The following FAM178B variants were observed in gnomAD, a reference collection of about 807,000 sequenced individuals.
FAM178B encodes family with sequence similarity 178 member B.
In FAM178B, 82 loss-of-function variants were observed where a neutral mutation model predicts 91.7. The ratio of observed to expected loss-of-function variants is 0.89; its 90% CI spans 0.75 to 1.07. The LOEUF is 1.07. FAM178B is among the 50% of genes least tolerant of loss of function. The pLI, the probability that FAM178B is intolerant of heterozygous loss-of-function variation, is 0.00. For missense variants in FAM178B, 769 were observed against 846.7 expected (o/e 0.91, Z 1.14); for synonymous variants, 368 against 359.4 (o/e 1.02, Z -0.27).
rs2080236459 is a variant in FAM178B at position 96,876,166 on chromosome 2, T to C, written c.*110A>G. ...GGGGCAGGCTCTTGCCTCATCAGGCTGGTCAGCATGTGGCCTCCTCTGGCC... is the reference window on the plus strand; with the variant it reads ...GGGGCAGGCTCTTGCCTCATCAGGCCGGTCAGCATGTGGCCTCCTCTGGCC... On this transcript the variant is annotated 3_prime_UTR_variant, in exon 17 of 17. Coordinates refer to ENST00000490605, the MANE Select transcript of FAM178B (RefSeq NM_001122646.3). 6.2e-6 allele frequency: 7 copies of C among 1,134,972 alleles called. No individual in the cohort carries two copies. The highest frequency in any genetic ancestry group is 9.0e-6 in the Non-Finnish European group (7 of 780,936). 70.3% of individuals were successfully genotyped at this position (1,134,972 alleles called of 1,614,324 possible).
chr2:96,967,642 G>C lies in FAM178B; in HGVS notation c.627-15C>G. ...GGGCCTGTTCCCTATAGGAAGTCGA[G>C]GGCCAGAGCCGGGGGTCAGTGTTGT... is the stretch of plus-strand genomic sequence containing the variant. On this transcript the variant is annotated splice_polypyrimidine_tract_variant and intron_variant, in intron 4 of 16. Coordinates refer to ENST00000490605, the MANE Select transcript of FAM178B (RefSeq NM_001122646.3). 1 of 1,525,824 alleles carries C rather than the reference G, an allele frequency of 6.6e-7. No homozygotes were observed. Among genetic ancestry groups the C allele is most frequent in the Non-Finnish European group, 8.9e-7 (1 of 1,127,256 alleles). The allele number at this position is 1,525,824 out of a possible 1,614,324, so 94.5% of individuals were successfully genotyped here. A position where few individuals can be genotyped will look rare whatever the true frequency, so the allele number is the denominator to read the frequency against.
chr2:96,946,962 CA>C (rs981644382), intron 8 of FAM178B, among the ~76,000 whole-genome samples: 1 of 152,232 alleles, frequency 6.6e-6, no homozygotes, highest in Admixed American at 6.5e-5. Flanking sequence ...GGCACAAAAG[CA>C]GAAACTTAAA....
intron 1 of FAM178B, among the ~76,000 whole-genome samples, chr2:96,982,241 T>C (rs1397900427): frequency 6.6e-6 from 1 of 151,998 alleles, no homozygotes; most frequent in East Asian, 1.9e-4. Flanking sequence ...TATATTCATA[T>C]AGTATATGTA....
chr2:96,973,955 A>T (rs763438764), intron 1 of FAM178B, among the ~76,000 whole-genome samples: 1 of 151,906 alleles, frequency 6.6e-6, no homozygotes, highest in South Asian at 2.1e-4. Context: ...GTGAGCCAAG[A>T]TTGCACCACT....
chr2:96,980,079 T>G (rs1391290470), intron 1 of FAM178B, among the ~76,000 whole-genome samples: 2 of 152,192 alleles, frequency 1.3e-5, no homozygotes, highest in African/African-American at 4.8e-5. Context: ...GGGGTTTTTT[T>G]GTTTGTTTTT....
intron 8 of FAM178B, among the ~76,000 whole-genome samples, chr2:96,931,856 G>GTT (rs75999007): frequency 4.2e-5 from 6 of 141,796 alleles, no homozygotes; most frequent in Non-Finnish European, 3.1e-5. Flanking sequence ...TTGTTTGTTT[G>GTT]TTTTTTTTTT....
At chr2:96,981,558 T>C (rs2082360942) in intron 1 of FAM178B, among the ~76,000 whole-genome samples, 1 of 151,894 alleles carries the variant, frequency 6.6e-6, no homozygotes, top group South Asian at 2.1e-4. Context: ...GAGGTCACCC[T>C]GGCCAACACG....
At chr2:96,905,175 G>A (rs773569473) in intron 12 of FAM178B, among the ~76,000 whole-genome samples, 4 of 152,140 alleles carry the variant, frequency 2.6e-5, no homozygotes, top group Non-Finnish European at 4.4e-5. Flanking sequence ...CTGGCTTCAC[G>A]TGCATTGGAC....
intron 5 of FAM178B, among the ~76,000 whole-genome samples, chr2:96,965,770 C>A (rs1301253283): frequency 6.6e-6 from 1 of 152,008 alleles, no homozygotes; most frequent in African/African-American, 2.4e-5. Context: ...CCCAGCCTCC[C>A]CCAATTTATT....
intron 5 of FAM178B, among the ~76,000 whole-genome samples, chr2:96,961,039 CT>C (rs980781031): frequency 1.9e-4 from 29 of 152,304 alleles, no homozygotes; most frequent in Non-Finnish European, 3.5e-4. Flanking sequence ...ACCCAGACAG[CT>C]GCTGCAATGC....
At chr2:96,951,352 A>G in intron 7 of FAM178B, 27 bp downstream of exon 7, 1 of 1,515,602 alleles carries the variant, frequency 6.6e-7, no homozygotes. Context: ...CGCTCCCGCC[A>G]CCTAGTGGCA....
At chr2:96,890,389 G>A (rs1015252845) in intron 14 of FAM178B, among the ~76,000 whole-genome samples, 1 of 152,206 alleles carries the variant, frequency 6.6e-6, no homozygotes, top group Non-Finnish European at 1.5e-5. Context: ...TATTGAGCCT[G>A]AGAAGGCGAG....
At chr2:96,881,378 G>A (rs1483320308) in intron 14 of FAM178B, among the ~76,000 whole-genome samples, 1 of 152,070 alleles carries the variant, frequency 6.6e-6, no homozygotes, top group African/African-American at 2.4e-5. Context: ...AGGGTTATCA[G>A]GGCCGTCACT....
At chr2:96,981,112 C>A (rs1395694106) in intron 1 of FAM178B, among the ~76,000 whole-genome samples, 1 of 152,026 alleles carries the variant, frequency 6.6e-6, no homozygotes, top group Non-Finnish European at 1.5e-5. Flanking sequence ...ATTACAGGCA[C>A]CCGCCACCAT....
intron 13 of FAM178B, among the ~76,000 whole-genome samples, chr2:96,901,394 G>T (rs575330639): frequency 1.3e-5 from 2 of 151,558 alleles, no homozygotes; most frequent in African/African-American, 2.4e-5. Context: ...GGCTGGTCTC[G>T]AACTCCTGAC....
chr2:96,962,251 G>A (rs890317909), intron 5 of FAM178B, among the ~76,000 whole-genome samples: 2 of 151,930 alleles, frequency 1.3e-5, no homozygotes, highest in South Asian at 2.1e-4. Flanking sequence ...GCGGTAAGCC[G>A]AGATTGCACC....
intron 1 of FAM178B, among the ~76,000 whole-genome samples, chr2:96,979,275 ATTTTTTT>A (rs745659064): frequency 3.5e-5 from 4 of 114,412 alleles, no homozygotes; most frequent in Non-Finnish European, 6.8e-5. Context: ...GCGCCCAGGC[ATTTTTTT>A]TTTTTTTTTT....
In FAM178B at chr2:96,952,659, T is replaced by A. The variant is rs535286439; in HGVS notation, c.888-1175A>T. 3.9e-5 allele frequency among the ~76,000 whole-genome samples: 6 copies of A among 152,334 alleles called. No individual in the cohort carries two copies. The South Asian group carries it at 1.0e-3, about 26-fold the overall frequency. Reference sequence around the variant, plus strand: ...AGAAGTCATTTTATAGGGGGTTGGCTGGACTTTGTCACCGTTCCTGAGCTC... The same window carrying A: ...AGAAGTCATTTTATAGGGGGTTGGCAGGACTTTGTCACCGTTCCTGAGCTC... On this transcript the variant is annotated intron_variant, in intron 6 of 16. Transcript: ENST00000490605.
At chr2:96,939,938 T>C (rs1242752405) in intron 8 of FAM178B, among the ~76,000 whole-genome samples, 1 of 152,220 alleles carries the variant, frequency 6.6e-6, no homozygotes, top group African/African-American at 2.4e-5. Context: ...CCAAGAATAA[T>C]GTTTTTAAAA....
Sources: allele counts gnomAD v4.1 joint callset (sites outside exome capture counted in the v4.1 genomes callset), GRCh38; gene constraint gnomAD v4.1.1; transcripts MANE v1.5; gene names NCBI Gene and HGNC (gene_info 2026-07-23, HGNC 2026-07-21).